DNMBP: variants seen among roughly 807,000 people sequenced by gnomAD.
DNMBP encodes the protein dynamin-binding protein.
DNMBP carries 87 observed loss-of-function variants against 150.0 expected under a neutral mutation model. That is an observed-to-expected ratio of 0.58 (90% confidence interval 0.49 to 0.69). The LOEUF (loss-of-function observed/expected upper bound fraction) is 0.69, where lower values mean the gene tolerates loss of function less well. DNMBP is among the 30% of genes least tolerant of loss of function. The probability of loss-of-function intolerance (pLI) is 0.00; values close to 1 mark genes in which losing one functional copy is unlikely to be tolerated. For synonymous variants in DNMBP, 711 were observed against 750.4 expected (o/e 0.95, Z 0.86); for missense variants, 1,774 against 1,949.0 (o/e 0.91, Z 1.69).
intron 1 of DNMBP, among the ~76,000 whole-genome samples, chr10:99,980,015 T>G (rs2040765727): frequency 1.3e-5 from 2 of 152,226 alleles, no homozygotes; most frequent in Non-Finnish European, 2.9e-5. Context: ...GGTCCACTCA[T>G]TTGCCATGTC....
In DNMBP at chr10:99,877,351, G is replaced by A; in HGVS notation, c.4549-15C>T. 2 of 1,589,282 alleles carry A rather than the reference G, an allele frequency of 1.3e-6. No homozygotes were observed. The highest frequency in any genetic ancestry group is 2.3e-5 in the East Asian group (1 of 43,832). On this transcript the variant is annotated splice_polypyrimidine_tract_variant and intron_variant, in intron 16 of 16. Coordinates refer to ENST00000324109, the MANE Select transcript of DNMBP (RefSeq NM_015221.4). ...GCAAAATAGACCTGTGTGAGGGAGA[G>A]AGAGAAAATGGGAAATTGCTGGGAG...
intron 9 of DNMBP, among the ~76,000 whole-genome samples, chr10:99,897,539 A>G (rs771607009): frequency 6.6e-6 from 1 of 152,240 alleles, no homozygotes; most frequent in African/African-American, 2.4e-5. Flanking sequence ...CACTGTCTTC[A>G]TATCTCTTGA....
intron 4 of DNMBP, among the ~76,000 whole-genome samples, chr10:99,909,796 C>CT (rs1157193627): frequency 6.6e-6 from 1 of 152,166 alleles, no homozygotes; most frequent in Non-Finnish European, 1.5e-5. Flanking sequence ...TAGATACAAA[C>CT]TTACTATAAA....
In DNMBP at chr10:99,875,816, G is replaced by T. The variant is rs1018111617; in HGVS notation, c.*1335C>A. On this transcript the variant is annotated 3_prime_UTR_variant, in exon 17 of 17. Coordinates refer to ENST00000324109, the MANE Select transcript of DNMBP (RefSeq NM_015221.4). ...TTTCTTTTAAAAGACAAATTTCATG[G>T]TTTCCCATTCCAAGATAGGCTTCAT... The T allele has an allele frequency of 3.9e-5, 6 of 152,160 alleles. No homozygotes were observed. The highest frequency in any genetic ancestry group is 8.8e-5 in the Non-Finnish European group (6 of 68,026). The allele number at this position is 152,160 out of a possible 1,614,324, so 9.4% of individuals were successfully genotyped here.
chr10:99,918,466 A>C (rs1353603487), intron 4 of DNMBP, among the ~76,000 whole-genome samples: 1 of 152,082 alleles, frequency 6.6e-6, no homozygotes, highest in African/African-American at 2.4e-5. Context: ...TCCACCTCGG[A>C]GACCCAGCTC....
intron 4 of DNMBP, among the ~76,000 whole-genome samples, chr10:99,918,547 T>C (rs952195608): frequency 9.3e-5 from 14 of 150,456 alleles, no homozygotes; most frequent in Non-Finnish European, 1.6e-4. Context: ...GAGGATCAAG[T>C]GCCCAAATTA....
chr10:99,963,048 C>T (rs952620109), intron 3 of DNMBP, among the ~76,000 whole-genome samples: 1 of 152,160 alleles, frequency 6.6e-6, no homozygotes, highest in African/African-American at 2.4e-5. Context: ...GTTCAATACC[C>T]TTTTTATTTT....
chr10:99,933,415 G>T (rs1253406477), intron 4 of DNMBP, among the ~76,000 whole-genome samples: 2 of 152,180 alleles, frequency 1.3e-5, no homozygotes, highest in East Asian at 1.9e-4. Context: ...TTACTGTGTA[G>T]AAATAACCAA....
chr10:99,907,464 G>A (rs569231265), intron 6 of DNMBP, among the ~76,000 whole-genome samples: 7 of 149,958 alleles, frequency 4.7e-5, no homozygotes, highest in African/African-American at 9.8e-5. Context: ...GGCTCGTGGC[G>A]CGATTTCAGC....
chr10:99,915,365 C>G (rs1297051428), intron 4 of DNMBP, among the ~76,000 whole-genome samples: 1 of 149,264 alleles, frequency 6.7e-6, no homozygotes, highest in African/African-American at 2.5e-5. Context: ...GGGACTCAAA[C>G]TTAACCAGTA....
At chr10:99,988,384 C>T (rs1265829143) in intron 1 of DNMBP, among the ~76,000 whole-genome samples, 2 of 152,080 alleles carry the variant, frequency 1.3e-5, no homozygotes, top group Non-Finnish European at 2.9e-5. Flanking sequence ...TCTGTTCGTG[C>T]CTGGCCCACT....
intron 4 of DNMBP, among the ~76,000 whole-genome samples, chr10:99,914,389 A>G (rs1359857140): frequency 6.6e-6 from 1 of 152,172 alleles, no homozygotes; most frequent in East Asian, 1.9e-4. Flanking sequence ...AAGAATTCCA[A>G]AGGCCCAGCC....
rs188319831 is a variant in DNMBP, at chr10:99,967,885, T to C, written c.268+1230A>G. Among the ~76,000 whole-genome samples, 32 of 152,354 alleles carry C rather than the reference T, an allele frequency of 2.1e-4. No homozygotes were observed. In the East Asian group the frequency reaches 6.2e-3, roughly 29 times the overall value. ...TACTGGTTTCTCTGTTTATGCAGAA[T>C]GGACTTAAGGATACTTGTTGAAATG... On this transcript the variant is annotated intron_variant, in intron 3 of 16. Coordinates refer to ENST00000324109, the MANE Select transcript of DNMBP (RefSeq NM_015221.4).
intron 11 of DNMBP, among the ~76,000 whole-genome samples, chr10:99,893,229 G>A (rs2039599601): frequency 6.6e-6 from 1 of 152,196 alleles, no homozygotes; most frequent in South Asian, 2.1e-4. Flanking sequence ...AACGGTAGTT[G>A]TCAAAATTTA....
At chr10:99,915,373 G>A (rs10883423) in intron 4 of DNMBP, among the ~76,000 whole-genome samples, 65,317 of 149,402 alleles carry the variant, frequency 0.44, 14,445 homozygotes, top group Non-Finnish European at 0.46. Context: ...AACTTAACCA[G>A]TACTTTTTAA....
chr10:99,962,986 C>T (rs2040580496), intron 3 of DNMBP, among the ~76,000 whole-genome samples: 1 of 152,152 alleles, frequency 6.6e-6, no homozygotes, highest in South Asian at 2.1e-4. Context: ...AAAGGTGAAT[C>T]TTGAAAAACA....
intron 1 of DNMBP, among the ~76,000 whole-genome samples, chr10:99,986,194 T>C (rs1485364556): frequency 6.6e-6 from 1 of 152,190 alleles, no homozygotes; most frequent in African/African-American, 2.4e-5. Context: ...CCCACATTAA[T>C]TTATTAAAGT....
chr10:99,946,953 A>G (rs550590775), intron 4 of DNMBP, among the ~76,000 whole-genome samples: 1 of 152,356 alleles, frequency 6.6e-6, no homozygotes, highest in African/African-American at 2.4e-5. Flanking sequence ...CAAGTGGCCA[A>G]CAAATATATG....
intron 4 of DNMBP, among the ~76,000 whole-genome samples, chr10:99,942,622 C>G (rs7089128): frequency 0.47 from 70,869 of 152,022 alleles, 17,498 homozygotes; most frequent in African/African-American, 0.63. Context: ...CCCTGTGCCT[C>G]GAGCTGAGAG....
Sources: allele counts gnomAD v4.1 joint callset (sites outside exome capture counted in the v4.1 genomes callset), GRCh38; gene constraint gnomAD v4.1.1; transcripts MANE v1.5; gene names NCBI Gene and HGNC (gene_info 2026-07-23, HGNC 2026-07-21).